COMMD10: variants seen among roughly 807,000 people sequenced by gnomAD.
COMMD10 encodes COMM domain containing 10, also known as COMM domain-containing protein 10.
COMMD10 carries 33 observed loss-of-function variants against 28.9 expected under a neutral mutation model. That is an observed-to-expected ratio of 1.14 (90% CI 0.87 to 1.53). The LOEUF is 1.53. Among genes scored for constraint, COMMD10 ranks in the 40% most tolerant of loss-of-function variants. COMMD10 has a pLI of 0.00. For synonymous variants in COMMD10, 110 were observed against 81.7 expected (o/e 1.35, Z -1.87); for missense variants, 310 against 233.4 (o/e 1.33, Z -2.14).
intron 5 of COMMD10, among the ~76,000 whole-genome samples, chr5:116,285,148 C>A (rs1446310037): frequency 1.3e-5 from 2 of 151,870 alleles, no homozygotes; most frequent in African/African-American, 4.9e-5. Flanking sequence ...AAACCCACTC[C>A]TAATATTTGT....
chr5:116,097,629 A>G (rs1216008483), intron 4 of COMMD10, among the ~76,000 whole-genome samples: 1 of 152,170 alleles, frequency 6.6e-6, no homozygotes, highest in Non-Finnish European at 1.5e-5. Flanking sequence ...GCTATAAATA[A>G]CCTGAAATAG....
intron 5 of COMMD10, among the ~76,000 whole-genome samples, chr5:116,212,775 T>C (rs935088786): frequency 6.6e-6 from 1 of 152,080 alleles, no homozygotes; most frequent in African/African-American, 2.4e-5. Flanking sequence ...AGTACAAACA[T>C]CGAAGGCTAT....
intron 4 of COMMD10, among the ~76,000 whole-genome samples, chr5:116,125,545 C>T (rs6594942): frequency 0.82 from 124,850 of 151,976 alleles, 51,440 homozygotes; most frequent in African/African-American, 0.84. Context: ...TGCTCTTCTC[C>T]AGGAGTATCT....
At chr5:116,171,982 A>G (rs1283031199) in intron 5 of COMMD10, among the ~76,000 whole-genome samples, 1 of 152,146 alleles carries the variant, frequency 6.6e-6, no homozygotes, top group Non-Finnish European at 1.5e-5. Context: ...TAATAAAAAA[A>G]TCTGTCCGTT....
At chr5:116,214,035 A>C (rs1022090148) in intron 5 of COMMD10, among the ~76,000 whole-genome samples, 1 of 152,126 alleles carries the variant, frequency 6.6e-6, no homozygotes, top group African/African-American at 2.4e-5. Flanking sequence ...TACAGACAAT[A>C]GTAGTATATT....
intron 5 of COMMD10, among the ~76,000 whole-genome samples, chr5:116,273,935 C>T (rs893804857): frequency 6.6e-6 from 1 of 151,568 alleles, no homozygotes; most frequent in Non-Finnish European, 1.5e-5. Context: ...CTTAAAATTG[C>T]ATTTATTTTC....
At chr5:116,139,991 T>C (rs1270540899) in intron 5 of COMMD10, among the ~76,000 whole-genome samples, 1 of 151,762 alleles carries the variant, frequency 6.6e-6, no homozygotes, top group Admixed American at 6.6e-5. Flanking sequence ...TCCAGACTTA[T>C]TTATCCTACA....
intron 5 of COMMD10, among the ~76,000 whole-genome samples, chr5:116,233,171 G>GA (rs1158915602): frequency 6.6e-6 from 1 of 152,110 alleles, no homozygotes; most frequent in Non-Finnish European, 1.5e-5. Context: ...ACTGTGGTCT[G>GA]AAAATAGGTG....
chr5:116,131,652 G>C (rs551954162), intron 4 of COMMD10, among the ~76,000 whole-genome samples: 43 of 152,070 alleles, frequency 2.8e-4, no homozygotes, highest in African/African-American at 1.0e-3. Flanking sequence ...TAGGTCACAA[G>C]GATATAAAGG....
At chr5:116,179,298 T>G (rs563647437) in intron 5 of COMMD10, among the ~76,000 whole-genome samples, 1 of 152,304 alleles carries the variant, frequency 6.6e-6, no homozygotes, top group African/African-American at 2.4e-5. Context: ...AGGAATAATC[T>G]AATATCTCAT....
chr5:116,273,261 A>G (rs1347940599), intron 5 of COMMD10, among the ~76,000 whole-genome samples: 3 of 151,762 alleles, frequency 2.0e-5, no homozygotes, highest in Admixed American at 2.0e-4. Context: ...CATAATATGC[A>G]TTTTTCATGA....
chr5:116,207,903 C>T (rs891235997), intron 5 of COMMD10, among the ~76,000 whole-genome samples: 2 of 152,108 alleles, frequency 1.3e-5, no homozygotes, highest in Non-Finnish European at 2.9e-5. Context: ...TAATGAGAGA[C>T]TACTATGGGT....
chr5:116,184,409 T>G (rs1161441384), intron 5 of COMMD10, among the ~76,000 whole-genome samples: 3 of 152,062 alleles, frequency 2.0e-5, no homozygotes, highest in African/African-American at 7.2e-5. Flanking sequence ...TCCTATTATT[T>G]AGTGACTGTT....
chr5:116,218,151 C>T, intron 5 of COMMD10: 1 of 1,099,696 alleles, frequency 9.1e-7, no homozygotes, highest in South Asian at 1.2e-5. Flanking sequence ...ACCTTCTCTC[C>T]CTTCTTTGCA....
chr5:116,232,516 C>T (rs940430237), intron 5 of COMMD10, among the ~76,000 whole-genome samples: 2 of 152,070 alleles, frequency 1.3e-5, no homozygotes, highest in African/African-American at 4.8e-5. Context: ...GCTTGGCCAA[C>T]ATGGAGAAAC....
intron 5 of COMMD10, among the ~76,000 whole-genome samples, chr5:116,237,837 A>T (rs1022438893): frequency 6.6e-6 from 1 of 152,158 alleles, no homozygotes; most frequent in Non-Finnish European, 1.5e-5. Context: ...ATCTGTACTA[A>T]TATCATCAAC....
intron 5 of COMMD10, among the ~76,000 whole-genome samples, chr5:116,136,192 T>A (rs1231255352): frequency 1.3e-5 from 2 of 152,188 alleles, no homozygotes; most frequent in African/African-American, 4.8e-5. Flanking sequence ...TTTTCTTGAT[T>A]ATATTTTTCA....
chr5:116,110,990 A>G (rs1751024930), intron 4 of COMMD10, among the ~76,000 whole-genome samples: 1 of 152,206 alleles, frequency 6.6e-6, no homozygotes, highest in Non-Finnish European at 1.5e-5. Flanking sequence ...GGATGGGAAC[A>G]TACATCCAAA....
intron 5 of COMMD10, among the ~76,000 whole-genome samples, chr5:116,136,856 A>G (rs1407761928): frequency 2.0e-5 from 3 of 152,160 alleles, no homozygotes; most frequent in Non-Finnish European, 2.9e-5. Context: ...AGAAGCACAC[A>G]TACATAAAAG....
Sources: allele counts gnomAD v4.1 joint callset (sites outside exome capture counted in the v4.1 genomes callset), GRCh38; gene constraint gnomAD v4.1.1; transcripts MANE v1.5; gene names NCBI Gene and HGNC (gene_info 2026-07-23, HGNC 2026-07-21).